Variants in HMCN1 observed in about 807,000 individuals in gnomAD.
The protein encoded by HMCN1 is hemicentin 1.
Under a neutral mutation model 625.9 loss-of-function variants are expected in HMCN1, and 321 were observed. The ratio of observed to expected loss-of-function variants is 0.51; its 90% CI spans 0.47 to 0.56. HMCN1 has a LOEUF of 0.56. Among genes scored for constraint, HMCN1 ranks in the 20% least tolerant of loss-of-function variants. The pLI is 0.00. For synonymous variants in HMCN1, 2,425 were observed against 2,417.6 expected (o/e 1.00, Z -0.09); for missense variants, 6,588 against 6,887.3 (o/e 0.96, Z 1.54).
At chr1:186,081,835 G>A (rs1659186170) in intron 56 of HMCN1, among the ~76,000 whole-genome samples, 1 of 152,098 alleles carries the variant, frequency 6.6e-6, no homozygotes, top group African/African-American at 2.4e-5. Context: ...GTTTACCAAT[G>A]GTGTGTCCAT....
At chr1:185,982,441 C>CTT (rs71663134) in intron 18 of HMCN1, 52 bp downstream of exon 18, 5,452 of 1,208,006 alleles carry the variant, frequency 4.5e-3, no homozygotes, top group Middle Eastern at 6.6e-3. Flanking sequence ...GTTTTCTTTT[C>CTT]TTTTTTTTTT....
At chr1:185,865,630 C>CAT (rs1663136733) in intron 3 of HMCN1, 111 bp from the exon 4 acceptor site, 4 of 678,076 alleles carry the variant, frequency 5.9e-6, no homozygotes, top group Non-Finnish European at 9.9e-6. Flanking sequence ...CACACACACA[C>CAT]ATTCACATAT....
In HMCN1 at chr1:186,093,185, C is replaced by T; in HGVS notation, c.9939C>T (p.Asp3313=). Residue 3313 remains aspartate (D), a synonymous_variant, in exon 65 of 107, where the codon GAC becomes GAT. Coordinates refer to ENST00000271588, the MANE Select transcript of HMCN1 (RefSeq NM_031935.3). The stretch of plus-strand genomic sequence containing the variant: ...ACATTTATGGAGCTCTTACATCTGA[C>T]ACGGGGAAATACACATGTGTTGCTA... ...TLNIYGALTS[D]TGKYTCVATN... is the part of the protein sequence containing the mutation. 6.2e-7 allele frequency: 1 copy of T among 1,613,306 alleles called. No homozygotes were observed. Among genetic ancestry groups the T allele is most frequent in the Non-Finnish European group, 8.5e-7 (1 of 1,179,556 alleles).
Position 186,119,195 on chromosome 1 carries a change from A to G in HMCN1, c.11853A>G (p.Ala3951=). The G allele has an allele frequency of 6.2e-7, 1 of 1,611,892 alleles. No individual in the cohort carries two copies. The highest frequency in any genetic ancestry group is 1.1e-5 in the South Asian group (1 of 91,036). The part of the protein sequence containing the change: ...GDGYRILSSG[A]IEILATQLNH... ...AACATTTTTTTTCATTTTTAGGAGCAATTGAAATACTTGCCACCCAATTAA... is the reference window on the plus strand; with the variant it reads ...AACATTTTTTTTCATTTTTAGGAGCGATTGAAATACTTGCCACCCAATTAA... The change falls in exon 78 of 107, where the codon GCA becomes GCG. Residue 3951 remains alanine (A), a synonymous_variant. Transcript: ENST00000271588.
At chr1:185,954,147 G>A (rs1009172401) in intron 11 of HMCN1, among the ~76,000 whole-genome samples, 6 of 152,094 alleles carry the variant, frequency 3.9e-5, no homozygotes, top group African/African-American at 1.4e-4. Context: ...GTTACTTCAG[G>A]CCATCTGGGA....
At chr1:186,075,964 A>G (rs1384188615) in intron 53 of HMCN1, among the ~76,000 whole-genome samples, 35 of 152,216 alleles carry the variant, frequency 2.3e-4, no homozygotes, top group Admixed American at 2.2e-3. Flanking sequence ...CCAGAAAAGT[A>G]TGAAAATGTC....
At chr1:185,922,316 G>C in intron 6 of HMCN1, 63 bp from the exon 7 acceptor site, 1 of 1,593,564 alleles carries the variant, frequency 6.3e-7, no homozygotes, top group South Asian at 1.1e-5. Context: ...ATACTGGCGA[G>C]GGTTGCATAT....
intron 36 of HMCN1, among the ~76,000 whole-genome samples, chr1:186,029,195 T>C (rs1326737658): frequency 6.6e-6 from 1 of 152,056 alleles, no homozygotes. Context: ...CTCTTTGGAG[T>C]AGAAAAGCAA....
chr1:185,986,488 A>G (rs562697834), intron 19 of HMCN1, among the ~76,000 whole-genome samples: 12 of 152,280 alleles, frequency 7.9e-5, no homozygotes, highest in African/African-American at 2.9e-4. Context: ...AAGCTTCTTT[A>G]ATCAAAATCA....
At chr1:185,781,926 G>A (rs1657148606) in intron 1 of HMCN1, among the ~76,000 whole-genome samples, 2 of 152,010 alleles carry the variant, frequency 1.3e-5, no homozygotes, top group African/African-American at 4.8e-5. Context: ...TCTTGTAGAT[G>A]TCTAATGTTG....
At chr1:185,990,156 C>A (rs922831914) in intron 21 of HMCN1, 119 bp from the exon 22 acceptor site, 1 of 957,616 alleles carries the variant, frequency 1.0e-6, no homozygotes, top group Non-Finnish European at 1.7e-6. Flanking sequence ...AGCTTATGTC[C>A]TGAATAGCAT....
chr1:186,016,680 A>T (rs1654389081), intron 32 of HMCN1, among the ~76,000 whole-genome samples: 1 of 152,076 alleles, frequency 6.6e-6, no homozygotes, highest in Non-Finnish European at 1.5e-5. Context: ...TGTGCTTATG[A>T]AAATAAACAA....
At chr1:185,825,926 A>G (rs1660484587) in intron 1 of HMCN1, among the ~76,000 whole-genome samples, 1 of 152,224 alleles carries the variant, frequency 6.6e-6, no homozygotes. Context: ...CAAAGAAATA[A>G]TACAATCTAA....
chr1:186,183,479 A>G (rs1653077073), intron 105 of HMCN1, among the ~76,000 whole-genome samples: 1 of 152,178 alleles, frequency 6.6e-6, no homozygotes, highest in African/African-American at 2.4e-5. Flanking sequence ...CAGTCACCAA[A>G]TATTTCTTAA....
Position 186,000,542 on chromosome 1 carries a change from GGTGT to G in HMCN1, c.4069+316_4069+319del, listed in dbSNP as rs1170943049. ...ATAAAGGAAAGTTATCAGCGTGTAG[GGTGT>G]GTGTGTGTGTGTATGTGTGTGTGTG... On this transcript the variant is annotated intron_variant, in intron 26 of 106. Coordinates refer to ENST00000271588, the MANE Select transcript of HMCN1 (RefSeq NM_031935.3). 3.9e-5 allele frequency among the ~76,000 whole-genome samples: 5 copies of G among 127,244 alleles called. No homozygotes were observed. The South Asian group carries it at 1.3e-3, about 33-fold the overall frequency. The allele number at this position is 127,244 out of a possible 152,430, so 83.5% of individuals were successfully genotyped here.
At chr1:186,126,019 G>A (rs188495504) in intron 82 of HMCN1, among the ~76,000 whole-genome samples, 2 of 152,162 alleles carry the variant, frequency 1.3e-5, no homozygotes, top group African/African-American at 4.8e-5. Context: ...ATTATTTTGT[G>A]TTTGTGGAAA....
At chr1:186,102,358 AC>A (rs1365208249) in intron 68 of HMCN1, among the ~76,000 whole-genome samples, 2 of 152,182 alleles carry the variant, frequency 1.3e-5, no homozygotes, top group African/African-American at 4.8e-5. Context: ...GAAAACAGAG[AC>A]TAACAGATGG....
At position 185,831,178 on chromosome 1, in the gene HMCN1, A is replaced by G. The variant is rs538455640; in HGVS notation, c.269-14848A>G. ...ATCCTACGTAAAATGTTGCCAAACA[A>G]TTTAGCACATGTTAAAAGAATAAAC... On this transcript the variant is annotated intron_variant, in intron 1 of 106. Transcript: ENST00000271588. Among the ~76,000 whole-genome samples, 19 of 152,338 alleles carry G rather than the reference A, an allele frequency of 1.2e-4. No individual in the cohort carries two copies. In the East Asian group the frequency reaches 3.7e-3, roughly 29 times the overall value.
chr1:186,119,559 A>C (rs973537214), intron 78 of HMCN1, among the ~76,000 whole-genome samples, 186 bp from the exon 79 acceptor site: 1 of 152,144 alleles, frequency 6.6e-6, no homozygotes, highest in South Asian at 2.1e-4. Context: ...GGTTCTTCTA[A>C]TGGAAACTGG....
Sources: allele counts gnomAD v4.1 joint callset (sites outside exome capture counted in the v4.1 genomes callset), GRCh38; gene constraint gnomAD v4.1.1; transcripts MANE v1.5; gene names NCBI Gene and HGNC (gene_info 2026-07-23, HGNC 2026-07-21).